The following NPAS3 variants were observed in gnomAD, a reference collection of about 807,000 sequenced individuals.
NPAS3 encodes the protein neuronal PAS domain-containing protein 3.
NPAS3 carries 14 observed loss-of-function variants against 73.1 expected under a neutral mutation model. The observed-to-expected ratio is 0.19, with a 90% CI of 0.13 to 0.30. The LOEUF (loss-of-function observed/expected upper bound fraction) is 0.30. Ranked by LOEUF, NPAS3 falls within the 10% of genes least tolerant of loss-of-function variation. The probability of loss-of-function intolerance (pLI) is 1.00; values close to 1 mark genes in which losing one functional copy is unlikely to be tolerated. For synonymous variants in NPAS3, 620 were observed against 541.5 expected (o/e 1.14, Z -2.01); for missense variants, 1,096 against 1,250.0 (o/e 0.88, Z 1.86).
chr14:33,550,321 A>G (rs2055050127), intron 4 of NPAS3, among the ~76,000 whole-genome samples: 1 of 152,224 alleles, frequency 6.6e-6, no homozygotes, highest in Non-Finnish European at 1.5e-5. Flanking sequence ...TAAGACTGTC[A>G]TTTAATGTAC....
At chr14:33,781,376 G>C (rs1016598400) in intron 9 of NPAS3, among the ~76,000 whole-genome samples, 4 of 152,206 alleles carry the variant, frequency 2.6e-5, no homozygotes, top group Non-Finnish European at 4.4e-5. Context: ...TGGAATGTCT[G>C]ATGTTTACCT....
intron 4 of NPAS3, among the ~76,000 whole-genome samples, chr14:33,437,648 A>T (rs1393912317): frequency 1.3e-5 from 2 of 152,250 alleles, no homozygotes; most frequent in Non-Finnish European, 2.9e-5. Context: ...GTTGAATAAT[A>T]GAAAAGAAAG....
intron 4 of NPAS3, among the ~76,000 whole-genome samples, chr14:33,381,181 C>G (rs1207348510): frequency 1.3e-5 from 2 of 152,122 alleles, no homozygotes; most frequent in African/African-American, 4.8e-5. Flanking sequence ...TTTAATAATG[C>G]ATAGTAAGAT....
intron 1 of NPAS3, among the ~76,000 whole-genome samples, chr14:33,051,194 A>T (rs1410148382): frequency 1.3e-5 from 2 of 149,568 alleles, no homozygotes; most frequent in Non-Finnish European, 1.5e-5. Flanking sequence ...GAATGGCGTG[A>T]ACCCAGGAAG....
intron 2 of NPAS3, among the ~76,000 whole-genome samples, chr14:33,134,810 A>G (rs2139131542): frequency 1.3e-5 from 2 of 152,186 alleles, no homozygotes; most frequent in East Asian, 1.9e-4. Flanking sequence ...AGATCTTTAT[A>G]TGGATAATGA....
At chr14:33,543,987 A>C (rs1233614816) in intron 4 of NPAS3, among the ~76,000 whole-genome samples, 20 of 37,424 alleles carry the variant, frequency 5.3e-4, no homozygotes, top group African/African-American at 1.9e-3. Flanking sequence ...ATATATATAT[A>C]TATATATATA....
chr14:33,412,684 A>G (rs903130424), intron 4 of NPAS3, among the ~76,000 whole-genome samples: 1 of 151,932 alleles, frequency 6.6e-6, no homozygotes, highest in Non-Finnish European at 1.5e-5. Flanking sequence ...TGACAGCTCT[A>G]CTCCTCACTG....
chr14:33,495,075 C>T (rs543601048), intron 4 of NPAS3, among the ~76,000 whole-genome samples: 20 of 152,196 alleles, frequency 1.3e-4, no homozygotes, highest in East Asian at 5.8e-4. Flanking sequence ...GTTAGGGCAT[C>T]GATTTTAGAT....
At chr14:33,423,974 C>T (rs955580041) in intron 4 of NPAS3, among the ~76,000 whole-genome samples, 3 of 151,934 alleles carry the variant, frequency 2.0e-5, no homozygotes, top group Non-Finnish European at 4.4e-5. Context: ...TATCATGTGT[C>T]CAGCAAAGTG....
At position 33,690,871 on chromosome 14, in the gene NPAS3, T is replaced by TAAAA. The variant is rs11361786; in HGVS notation, c.733+14500_733+14503dup. 1.1e-3 allele frequency among the ~76,000 whole-genome samples: 158 copies of TAAAA among 142,198 alleles called. 4 individuals carry two copies. Among genetic ancestry groups the TAAAA allele is most frequent in the Middle Eastern group, 3.6e-3 (1 of 276 alleles). The allele number at this position is 142,198 out of a possible 152,430, so 93.3% of individuals were successfully genotyped here. ...TCATTATTTTTAGTTTAAAATTTGT[T>TAAAA]AAAAAAAAAAAAAAAAACGATTCGT... On this transcript the variant is annotated intron_variant, in intron 6 of 11. Transcript: ENST00000356141.
At chr14:33,202,696 A>C (rs1343662100) in intron 2 of NPAS3, among the ~76,000 whole-genome samples, 3 of 138,180 alleles carry the variant, frequency 2.2e-5, no homozygotes, top group Non-Finnish European at 4.6e-5. Context: ...ATTTTAAGCA[A>C]ATATTCATGT....
chr14:33,168,009 C>T (rs924197441), intron 2 of NPAS3, among the ~76,000 whole-genome samples: 25 of 152,260 alleles, frequency 1.6e-4, no homozygotes, highest in African/African-American at 5.5e-4. Flanking sequence ...GGTTGGACAG[C>T]CTTCCCTAGT....
chr14:33,076,425 A>G (rs911726955), intron 2 of NPAS3, among the ~76,000 whole-genome samples: 2 of 152,210 alleles, frequency 1.3e-5, no homozygotes, highest in Admixed American at 1.3e-4. Flanking sequence ...ATTTTATGGT[A>G]TTTGTTAACG....
chr14:33,223,542 A>G (rs999915162), intron 3 of NPAS3, among the ~76,000 whole-genome samples: 7 of 152,210 alleles, frequency 4.6e-5, no homozygotes, highest in Non-Finnish European at 1.0e-4. Flanking sequence ...AGCCCTCTCT[A>G]GACCTCAGTT....
chr14:33,631,056 C>G (rs2058364054), intron 5 of NPAS3, among the ~76,000 whole-genome samples: 1 of 152,184 alleles, frequency 6.6e-6, no homozygotes, highest in African/African-American at 2.4e-5. Flanking sequence ...CCAAGCATCC[C>G]CCTGAGCATC....
At chr14:33,492,084 A>T (rs899039452) in intron 4 of NPAS3, among the ~76,000 whole-genome samples, 2 of 152,184 alleles carry the variant, frequency 1.3e-5, no homozygotes, top group African/African-American at 4.8e-5. Context: ...CTATGCAAAC[A>T]TTCAGAGATG....
At chr14:33,394,799 A>G (rs2047152190) in intron 4 of NPAS3, among the ~76,000 whole-genome samples, 1 of 152,184 alleles carries the variant, frequency 6.6e-6, no homozygotes, top group Admixed American at 6.6e-5. Context: ...AGGTCAAGAG[A>G]TCGATCAGGT....
chr14:33,290,984 T>G (rs2042076496), intron 3 of NPAS3, among the ~76,000 whole-genome samples: 1 of 152,024 alleles, frequency 6.6e-6, no homozygotes, highest in Non-Finnish European at 1.5e-5. Flanking sequence ...ACTAGTTTTA[T>G]GAATCAGATG....
At chr14:33,524,473 A>G (rs180955240) in intron 4 of NPAS3, among the ~76,000 whole-genome samples, 36 of 152,322 alleles carry the variant, frequency 2.4e-4, no homozygotes, top group African/African-American at 8.2e-4. Flanking sequence ...GGAAATTGGC[A>G]TTCACAGAAT....
Sources: allele counts gnomAD v4.1 joint callset (sites outside exome capture counted in the v4.1 genomes callset), GRCh38; gene constraint gnomAD v4.1.1; transcripts MANE v1.5; gene names NCBI Gene and HGNC (gene_info 2026-07-23, HGNC 2026-07-21).